PRKN: variants seen among roughly 807,000 people sequenced by gnomAD.
The protein encoded by PRKN is parkin RBR E3 ubiquitin protein ligase.
PRKN carries 56 observed loss-of-function variants against 59.5 expected under a neutral mutation model. That is an observed-to-expected ratio of 0.94 (90% confidence interval 0.76 to 1.18). The LOEUF is 1.18. Ranked by LOEUF, PRKN falls within the 50% of genes most tolerant of loss-of-function variation. The pLI is 0.00. For missense variants in PRKN, 657 were observed against 596.4 expected, an observed-to-expected ratio of 1.10 and a Z score of -1.06; for synonymous variants, 250 against 222.1, an observed-to-expected ratio of 1.13 and a Z score of -1.12.
intron 7 of PRKN, among the ~76,000 whole-genome samples, chr6:161,723,882 A>G (rs1358691251): frequency 6.6e-6 from 1 of 152,120 alleles, no homozygotes; most frequent in African/African-American, 2.4e-5. Flanking sequence ...TCACGGCCTC[A>G]ACAGGGAAGA....
rs143690412 is a variant in PRKN, at chr6:161,751,968, G to C, written c.871+33804C>G. On this transcript the variant is annotated intron_variant, in intron 7 of 11. Coordinates refer to ENST00000366898, the MANE Select transcript of PRKN (RefSeq NM_004562.3). ...GTGGTTCAGCATCTGCAGGATTAGC[G>C]AGGAGGCCTGTACAACTGCCACAGG... is the stretch of plus-strand genomic sequence containing the variant. 3.5e-3 allele frequency among the ~76,000 whole-genome samples: 540 copies of C among 152,330 alleles called. 3 individuals are homozygous for C. Among genetic ancestry groups the C allele is most frequent in the African/African-American group, 0.012 (515 of 41,574 alleles).
At chr6:161,868,859 TGCA>T (rs1794227954) in intron 6 of PRKN, among the ~76,000 whole-genome samples, 1 of 152,208 alleles carries the variant, frequency 6.6e-6, no homozygotes, top group Non-Finnish European at 1.5e-5. Context: ...ATGAGGCCCT[TGCA>T]GCAGGTACTA....
intron 2 of PRKN, among the ~76,000 whole-genome samples, chr6:162,410,690 T>C (rs1044729037): frequency 2.6e-5 from 4 of 152,326 alleles, no homozygotes; most frequent in East Asian, 1.9e-4. Flanking sequence ...ATGCCCCTTT[T>C]GTGATTCCAC....
intron 6 of PRKN, among the ~76,000 whole-genome samples, chr6:161,962,063 C>T (rs762811696): frequency 6.6e-6 from 1 of 152,098 alleles, no homozygotes; most frequent in Non-Finnish European, 1.5e-5. Flanking sequence ...GCCCTTGCTG[C>T]GATAAATGAA....
At chr6:162,175,173 G>A (rs971197426) in intron 4 of PRKN, among the ~76,000 whole-genome samples, 1 of 152,196 alleles carries the variant, frequency 6.6e-6, no homozygotes, top group African/African-American at 2.4e-5. Flanking sequence ...CACCTTGGTA[G>A]GATGTTAGCC....
intron 6 of PRKN, among the ~76,000 whole-genome samples, chr6:161,912,400 G>T (rs1314631670): frequency 6.6e-6 from 1 of 151,940 alleles, no homozygotes; most frequent in African/African-American, 2.4e-5. Flanking sequence ...CTTGGCAAAA[G>T]GCATGCCCCT....
intron 2 of PRKN, among the ~76,000 whole-genome samples, chr6:162,413,174 AT>A (rs1260548311): frequency 6.6e-6 from 1 of 152,164 alleles, no homozygotes; most frequent in African/African-American, 2.4e-5. Flanking sequence ...TGCCTATATA[AT>A]TGGCTTTAAA....
intron 1 of PRKN, among the ~76,000 whole-genome samples, chr6:162,583,765 G>C (rs112768431): frequency 0.021 from 3,134 of 152,110 alleles, 106 homozygotes; most frequent in African/African-American, 0.07. Context: ...TTACCAAATA[G>C]CAAATGATCC....
At chr6:162,721,788 G>A (rs1778949741) in intron 1 of PRKN, among the ~76,000 whole-genome samples, 1 of 152,170 alleles carries the variant, frequency 6.6e-6, no homozygotes, top group Admixed American at 6.5e-5. Flanking sequence ...TAAAGGAGGT[G>A]CTAATTGCCT....
chr6:162,616,290 G>A (rs2846532), intron 1 of PRKN, among the ~76,000 whole-genome samples: 92,500 of 151,328 alleles, frequency 0.61, 28,947 homozygotes, highest in African/African-American at 0.75. Flanking sequence ...GGACAAGGGA[G>A]CTTGCCTACT....
At chr6:162,058,360 C>G (rs967078900) in intron 4 of PRKN, among the ~76,000 whole-genome samples, 1 of 152,122 alleles carries the variant, frequency 6.6e-6, no homozygotes, top group Non-Finnish European at 1.5e-5. Flanking sequence ...TGACTGACAG[C>G]TCTAACAGGA....
At chr6:161,482,653 A>G (rs1791459373) in intron 9 of PRKN, among the ~76,000 whole-genome samples, 2 of 152,200 alleles carry the variant, frequency 1.3e-5, no homozygotes, top group Non-Finnish European at 2.9e-5. Flanking sequence ...GTTACGGCTA[A>G]TTCCCTGCAA....
chr6:162,144,150 G>T (rs1027380907), intron 4 of PRKN, among the ~76,000 whole-genome samples: 1 of 152,138 alleles, frequency 6.6e-6, no homozygotes, highest in African/African-American at 2.4e-5. Flanking sequence ...CACTACCCCA[G>T]CTTGACCCTG....
In PRKN at chr6:161,396,586, C is replaced by G. The variant is rs1181849711; in HGVS notation, c.1084-9709G>C. Among the ~76,000 whole-genome samples, 5 of 152,168 alleles carry G rather than the reference C, an allele frequency of 3.3e-5. No homozygotes were observed. The highest frequency in any genetic ancestry group is 5.9e-5 in the Non-Finnish European group (4 of 68,038). The stretch of plus-strand genomic sequence containing the variant: ...TATGGCCATTCATTAGTAAAACGCA[C>G]AGCATATGTCTTCTATAATTTTTAA... On this transcript the variant is annotated intron_variant, in intron 9 of 11. Transcript: ENST00000366898. This position sits in a 1 kb window ranked among gnomAD's most constrained non-coding sequence, Gnocchi z 5.4.
At chr6:162,344,340 A>G (rs1258103594) in intron 2 of PRKN, among the ~76,000 whole-genome samples, 1 of 152,136 alleles carries the variant, frequency 6.6e-6, no homozygotes, top group Non-Finnish European at 1.5e-5. Flanking sequence ...TCCTTTTATA[A>G]GTCAATTTTC....
At chr6:161,636,418 G>C (rs530624455) in intron 7 of PRKN, among the ~76,000 whole-genome samples, 1 of 152,364 alleles carries the variant, frequency 6.6e-6, no homozygotes, top group East Asian at 1.9e-4. Flanking sequence ...GACCTCTGTG[G>C]ATATAATCCC....
intron 6 of PRKN, among the ~76,000 whole-genome samples, chr6:161,831,169 G>A (rs1792483176): frequency 6.6e-6 from 1 of 152,202 alleles, no homozygotes; most frequent in Non-Finnish European, 1.5e-5. Context: ...TTCTAACCAA[G>A]AGATGCAAAC....
At chr6:162,653,949 T>C (rs577521365) in intron 1 of PRKN, among the ~76,000 whole-genome samples, 3 of 152,318 alleles carry the variant, frequency 2.0e-5, no homozygotes, top group Admixed American at 6.5e-5. Context: ...CAAAAACTGC[T>C]TTCTTTGTTC....
chr6:161,513,536 T>TG (rs1261466603), intron 9 of PRKN, among the ~76,000 whole-genome samples: 1 of 151,494 alleles, frequency 6.6e-6, no homozygotes, highest in Non-Finnish European at 1.5e-5. Flanking sequence ...TTTTTTTTTT[T>TG]TTTTGAAAGA....
Sources: allele counts gnomAD v4.1 joint callset (sites outside exome capture counted in the v4.1 genomes callset), GRCh38; gene constraint gnomAD v4.1.1; non-coding constraint Gnocchi (gnomAD v3.1); transcripts MANE v1.5; gene names NCBI Gene and HGNC (gene_info 2026-07-23, HGNC 2026-07-21).